Variants in TASOR observed in about 807,000 individuals in gnomAD.
TASOR encodes the protein protein TASOR.
TASOR carries 53 observed loss-of-function variants against 178.6 expected under a neutral mutation model. The ratio of observed to expected loss-of-function variants is 0.30; its 90% CI spans 0.24 to 0.37. The LOEUF (loss-of-function observed/expected upper bound fraction) is 0.37, where lower values mean the gene tolerates loss of function less well. TASOR is among the 10% of genes least tolerant of loss of function. The pLI is 1.00. For missense variants in TASOR, 1,815 were observed against 1,971.4 expected (o/e 0.92, Z 1.50); for synonymous variants, 713 against 696.2 (o/e 1.02, Z -0.38).
chr3:56,673,462 G>C (rs369991506), intron 2 of TASOR, 118 bp downstream of exon 2: 3 of 317,262 alleles, frequency 9.5e-6, no homozygotes, highest in Non-Finnish European at 1.6e-5. Flanking sequence ...AAAAAAACTT[G>C]TTTTCCCTTT....
At position 56,623,497 on chromosome 3, in the gene TASOR, A is replaced by G. The variant is rs762028222; in HGVS notation, c.4553T>C (p.Ile1518Thr). 8 of 1,612,296 alleles carry G rather than the reference A, an allele frequency of 5.0e-6. No homozygotes were observed. In the East Asian group the frequency reaches 6.7e-5, roughly 13 times the overall value. ...TGAATGAAAATTGCTGCATACTTCTATATGTGAGATTTCATCCCCTGAATC... is the reference window on the plus strand; with the variant it reads ...TGAATGAAAATTGCTGCATACTTCTGTATGTGAGATTTCATCCCCTGAATC... Reference protein sequence around the residue: ...SLDSGDEISHIEVCSNFHSEI... With the variant: ...SLDSGDEISHTEVCSNFHSEI... The change falls in exon 24 of 24, where the codon ATA (isoleucine) becomes ACA (threonine). Residue 1518 changes from isoleucine (I) to threonine (T), a missense_variant. Physicochemically the swap from Ile to Thr is moderately conservative, Grantham distance 89. Coordinates refer to ENST00000683822, the MANE Select transcript of TASOR (RefSeq NM_001365635.2).
chr3:56,673,576 A>G lies in TASOR; in HGVS notation c.477+4T>C. On this transcript the variant is annotated splice_donor_region_variant and intron_variant, in intron 2 of 23. Transcript: ENST00000683822. ...TCTTACAGTAAGTATAATTTAAAAC[A>G]TACCTCCTTTTCCAAAAGCTCATTG... 6.5e-7 allele frequency: 1 copy of G among 1,541,872 alleles called. No individual in the cohort carries two copies. Among genetic ancestry groups the G allele is most frequent in the Non-Finnish European group, 8.7e-7 (1 of 1,143,770 alleles).
intron 1 of TASOR, among the ~76,000 whole-genome samples, chr3:56,678,170 A>G (rs1280469428): frequency 7.4e-6 from 1 of 135,730 alleles, no homozygotes; most frequent in African/African-American, 2.9e-5. Context: ...TACAAAACAC[A>G]CTTATGATTT....
chr3:56,623,217 A>G lies in TASOR; in HGVS notation c.4833T>C (p.Phe1611=). 6.2e-7 allele frequency: 1 copy of G among 1,613,586 alleles called. No individual in the cohort carries two copies. The highest frequency in any genetic ancestry group is 8.5e-7 in the Non-Finnish European group (1 of 1,179,886). ...QLNMSHQFSH[F]NVLTHQTFLG... The stretch of plus-strand genomic sequence containing the variant: ...AAAATGTCTGATGAGTGAGAACATT[A>G]AAATGACTAAACTGATGGGACATAT... The change falls in exon 24 of 24, where the codon TTT becomes TTC. Residue 1611 remains phenylalanine, a synonymous_variant. Coordinates refer to ENST00000683822, the MANE Select transcript of TASOR (RefSeq NM_001365635.2).
At chr3:56,682,176 G>A (rs1316405974) in intron 1 of TASOR, among the ~76,000 whole-genome samples, 2 of 152,234 alleles carry the variant, frequency 1.3e-5, no homozygotes, top group Admixed American at 6.5e-5. Flanking sequence ...TTCTAAATAA[G>A]GGAGGACGCT....
chr3:56,681,619 A>C (rs2031792607), intron 1 of TASOR, among the ~76,000 whole-genome samples: 1 of 152,256 alleles, frequency 6.6e-6, no homozygotes, highest in Non-Finnish European at 1.5e-5. Context: ...GATGGAAAAG[A>C]TACGGGAAAA....
chr3:56,627,191 T>G (rs1394151642), intron 20 of TASOR, 46 bp from the exon 21 acceptor site: 4 of 1,097,740 alleles, frequency 3.6e-6, no homozygotes, highest in Non-Finnish European at 5.4e-6. Context: ...AAATAATCAT[T>G]CCATAAGTGA....
At chr3:56,625,549 A>AG (rs1397767985) in intron 21 of TASOR, among the ~76,000 whole-genome samples, 1 of 152,234 alleles carries the variant, frequency 6.6e-6, no homozygotes, top group African/African-American at 2.4e-5. Flanking sequence ...TGGGAGGCTG[A>AG]GGCAGAAGAA....
At chr3:56,657,042 C>T (rs1419205562) in intron 11 of TASOR, among the ~76,000 whole-genome samples, 2 of 149,714 alleles carry the variant, frequency 1.3e-5, no homozygotes, top group African/African-American at 2.5e-5. Flanking sequence ...AAAGAAAGGG[C>T]GAGATGGCCA....
chr3:56,630,987 A>T (rs57800049), intron 18 of TASOR, among the ~76,000 whole-genome samples: 57,229 of 151,510 alleles, frequency 0.38, 11,421 homozygotes, highest in East Asian at 0.58. Flanking sequence ...ACTGTGCCCA[A>T]CCTATTCTCT....
chr3:56,670,548 C>CT (rs1204133300), intron 3 of TASOR, among the ~76,000 whole-genome samples: 1 of 152,132 alleles, frequency 6.6e-6, no homozygotes, highest in Non-Finnish European at 1.5e-5. Context: ...GACAGATACT[C>CT]TTAACTCCTG....
intron 14 of TASOR, among the ~76,000 whole-genome samples, chr3:56,644,238 T>C (rs967044491): frequency 6.6e-6 from 1 of 152,178 alleles, no homozygotes. Flanking sequence ...AGGATAATAA[T>C]GCCTATCACT....
Position 56,628,575 on chromosome 3 carries a change from C to T in TASOR, c.3787G>A (p.Glu1263Lys). The T allele has an allele frequency of 1.3e-6, 2 of 1,591,328 alleles. No homozygotes were observed. Among genetic ancestry groups the T allele is most frequent in the African/African-American group, 2.7e-5 (2 of 74,548 alleles). Residue 1263 changes from glutamate to lysine, a missense_variant, in exon 19 of 24, where the codon GAA (glutamate) becomes AAA (lysine). Transcript: ENST00000683822. Reference sequence around the variant, plus strand: ...TTTGATCTTCTTTCCAAAAACTGTTCAGGATGACATTCTGTATTGCCTAAT... The same window carrying T: ...TTTGATCTTCTTTCCAAAAACTGTTTAGGATGACATTCTGTATTGCCTAAT... ...IKLGNTECHP[E>K]QFLERRSKLD...
intron 17 of TASOR, 71 bp downstream of exon 17, chr3:56,638,635 A>C: frequency 6.7e-7 from 1 of 1,487,870 alleles, no homozygotes; most frequent in Non-Finnish European, 9.4e-7. Flanking sequence ...CTATTGATGG[A>C]GTATCAGAAA....
At chr3:56,679,008 CAAAA>C (rs5849163) in intron 1 of TASOR, among the ~76,000 whole-genome samples, 7 of 116,782 alleles carry the variant, frequency 6.0e-5, no homozygotes, top group African/African-American at 9.1e-5. Context: ...GCTCTGACTC[CAAAA>C]AAAAAAAAAA....
At chr3:56,641,822 A>G in intron 14 of TASOR, 70 bp from the exon 15 acceptor site, 3 of 1,451,120 alleles carry the variant, frequency 2.1e-6, no homozygotes, top group Non-Finnish European at 2.8e-6. Flanking sequence ...AATCAAATAT[A>G]CCTAAAAAAT....
chr3:56,641,194 T>G (rs1220090399), intron 15 of TASOR, among the ~76,000 whole-genome samples, 155 bp downstream of exon 15: 1 of 152,182 alleles, frequency 6.6e-6, no homozygotes, highest in Non-Finnish European at 1.5e-5. Context: ...TAACAAGGAA[T>G]AACTTAGGAA....
intron 23 of TASOR, 111 bp from the exon 24 acceptor site, chr3:56,623,677 A>G: frequency 1.3e-6 from 2 of 1,541,220 alleles, no homozygotes; most frequent in Non-Finnish European, 1.7e-6. Flanking sequence ...CAAGTCCACA[A>G]TCCCTTAAAG....
In TASOR at chr3:56,622,020, T is replaced by TAACA. The variant is rs1190532233; in HGVS notation, c.*1013_*1016dup. The TAACA allele has an allele frequency of 6.5e-6, 1 of 153,586 alleles. No individual in the cohort carries two copies. Among genetic ancestry groups the TAACA allele is most frequent in the African/African-American group, 2.4e-5 (1 of 41,480 alleles). The allele number at this position is 153,586 out of a possible 1,614,324, so 9.5% of individuals were successfully genotyped here. On this transcript the variant is annotated 3_prime_UTR_variant, in exon 24 of 24. Coordinates refer to ENST00000683822, the MANE Select transcript of TASOR (RefSeq NM_001365635.2). ...AGTGCCAAAGTTCTGTCTAACTTAT[T>TAACA]AACACGTCTAGACCCATAACTCCAT...
Sources: gnomAD v4.1 joint callset for allele counts (sites outside exome capture counted in the v4.1 genomes callset) on GRCh38, gnomAD v4.1.1 for gene constraint, MANE v1.5 for transcripts, NCBI Gene and HGNC (gene_info 2026-07-23, HGNC 2026-07-21) for gene names.